The following FBXO10 variants were observed in gnomAD, a reference collection of about 807,000 sequenced individuals.
The protein encoded by FBXO10 is F-box protein 10.
Under a neutral mutation model 80.7 loss-of-function variants are expected in FBXO10, and 39 were observed. The ratio of observed to expected loss-of-function variants is 0.48; its 90% CI spans 0.37 to 0.63. The LOEUF is 0.63. Ranked by LOEUF, FBXO10 falls within the 30% of genes least tolerant of loss-of-function variation. FBXO10 has a pLI of 0.00. For missense variants in FBXO10, 1,025 were observed against 1,269.0 expected (o/e 0.81, Z 2.92); for synonymous variants, 449 against 489.6 (o/e 0.92, Z 1.09).
In FBXO10 at chr9:37,537,848, G is replaced by A; in HGVS notation, c.681C>T (p.Thr227=). Residue 227 remains threonine (T), a synonymous_variant, in exon 3 of 11, where the codon ACC becomes ACT. Transcript: ENST00000432825. The part of the protein sequence containing the change: ...GPGTCQVKFC[T]FKNTHIFLHN... ...GCAGGAAGATATGGGTGTTTTTGAA[G>A]GTACAGAACTTCACTTGGCAAGTAC... The A allele has an allele frequency of 6.2e-7, 1 of 1,613,940 alleles. No individual in the cohort carries two copies.
At position 37,537,216 on chromosome 9, in the gene FBXO10, C is replaced by T. The variant is rs745833580; in HGVS notation, c.1313G>A (p.Arg438Gln). The change falls in exon 3 of 11, where the codon CGG (arginine) becomes CAG (glutamine). Residue 438 changes from arginine (R) to glutamine (Q), a missense_variant. Arg to Gln is a conservative substitution (Grantham distance 43, BLOSUM62 1). Around this residue, in one of 3 missense-constraint regions of FBXO10, gnomAD observed 478 missense variants for 667.8 expected, o/e 0.72. Transcript: ENST00000432825. ...QGCLIRKCLFRDGKGGVFVCS... is the reference protein window; with the variant it reads ...QGCLIRKCLFQDGKGGVFVCS... ...GACGAAGACGCCTCCCTTCCCGTCCCGGAAGAGGCACTTGCGGATGAGGCA... is the reference window on the plus strand; with the variant it reads ...GACGAAGACGCCTCCCTTCCCGTCCTGGAAGAGGCACTTGCGGATGAGGCA... 1.4e-5 allele frequency: 23 copies of T among 1,613,834 alleles called. No homozygotes were observed. The highest frequency in any genetic ancestry group is 1.1e-4 in the East Asian group (5 of 44,896).
chr9:37,571,921 G>A (rs186450462), intron 1 of FBXO10, among the ~76,000 whole-genome samples: 2 of 151,528 alleles, frequency 1.3e-5, no homozygotes, highest in Admixed American at 6.6e-5. Flanking sequence ...AATAGTTTGA[G>A]TCCAGGAGTT....
chr9:37,548,905 C>T (rs539150211), intron 1 of FBXO10, among the ~76,000 whole-genome samples: 115 of 152,252 alleles, frequency 7.6e-4, no homozygotes, highest in African/African-American at 2.3e-3. Context: ...CCCGCCACCA[C>T]GCCCTGCTCA....
At chr9:37,562,597 A>G (rs1393662255) in intron 1 of FBXO10, among the ~76,000 whole-genome samples, 1 of 152,238 alleles carries the variant, frequency 6.6e-6, no homozygotes, top group African/African-American at 2.4e-5. Flanking sequence ...GCTTTGCACT[A>G]TGCCCAGAAC....
At chr9:37,516,125 C>G in intron 9 of FBXO10, 40 bp from the exon 10 acceptor site, 2 of 1,588,438 alleles carry the variant, frequency 1.3e-6, no homozygotes, top group Non-Finnish European at 1.7e-6. Flanking sequence ...CTCAGGGATT[C>G]ACAGACTGAG....
At chr9:37,517,067 G>A (rs1411952651) in intron 9 of FBXO10, among the ~76,000 whole-genome samples, 1 of 152,126 alleles carries the variant, frequency 6.6e-6, no homozygotes, top group Non-Finnish European at 1.5e-5. Context: ...GATGGACTTG[G>A]AGGCCATTAT....
intron 1 of FBXO10, among the ~76,000 whole-genome samples, chr9:37,569,991 T>C (rs1183336630): frequency 6.6e-6 from 1 of 152,080 alleles, no homozygotes; most frequent in South Asian, 2.1e-4. Context: ...AGAATTACAA[T>C]GGAAATTAGA....
In FBXO10 at chr9:37,555,909, T is replaced by C. The variant is rs181029697; in HGVS notation, c.-6-14135A>G. Among the ~76,000 whole-genome samples the C allele has an allele frequency of 3.9e-5, 6 of 152,350 alleles. No individual in the cohort carries two copies. In the East Asian group the frequency reaches 1.2e-3, roughly 29 times the overall value. On this transcript the variant is annotated intron_variant, in intron 1 of 10. Coordinates refer to ENST00000432825, the MANE Select transcript of FBXO10 (RefSeq NM_012166.3). Reference sequence around the variant, plus strand: ...CTTCTATCTGTCTGAGAAAGCTTTGTTAATTCCTAAGTCATGGATATAATC... The same window carrying C: ...CTTCTATCTGTCTGAGAAAGCTTTGCTAATTCCTAAGTCATGGATATAATC...
chr9:37,542,072 G>T (rs1383752212), intron 1 of FBXO10, among the ~76,000 whole-genome samples: 3 of 151,806 alleles, frequency 2.0e-5, no homozygotes, highest in Non-Finnish European at 2.9e-5. Flanking sequence ...CAGGTGATCT[G>T]CCCGGCTTGG....
intron 1 of FBXO10, among the ~76,000 whole-genome samples, chr9:37,549,838 T>C (rs1822146818): frequency 6.6e-6 from 1 of 152,214 alleles, no homozygotes; most frequent in African/African-American, 2.4e-5. Context: ...ACAAGTGGCA[T>C]TGTACCTTTT....
At position 37,518,284 on chromosome 9, in the gene FBXO10, C is replaced by T; in HGVS notation, c.2355G>A (p.Lys785=). The T allele has an allele frequency of 4.3e-6, 7 of 1,614,088 alleles. No individual in the cohort carries two copies. Among genetic ancestry groups the T allele is most frequent in the Non-Finnish European group, 5.9e-6 (7 of 1,179,904 alleles). The change falls in exon 9 of 11, where the codon AAG becomes AAA. Residue 785 remains lysine, a synonymous_variant. Transcript: ENST00000432825. ...GCTCCACTTTGCACTGGGCCTCAAC[C>T]TTGACCCCACTTTGCCGGTTGCAGG... The part of the protein sequence containing the change: ...SISCNRQSGV[K]VEAQCKVELR...
intron 3 of FBXO10, among the ~76,000 whole-genome samples, chr9:37,535,371 C>T (rs113821317): frequency 1.9e-3 from 279 of 150,774 alleles, no homozygotes; most frequent in Middle Eastern, 6.9e-3. Flanking sequence ...TTTTTGGAGA[C>T]GGAGTCTTGC....
At chr9:37,539,156 T>C (rs1466484324) in intron 2 of FBXO10, among the ~76,000 whole-genome samples, 1 of 152,246 alleles carries the variant, frequency 6.6e-6, no homozygotes, top group African/African-American at 2.4e-5. Context: ...GAATAAGTTT[T>C]AAAATTGACC....
intron 8 of FBXO10, 114 bp downstream of exon 8, chr9:37,521,455 C>T: frequency 7.8e-7 from 1 of 1,284,914 alleles, no homozygotes; most frequent in Non-Finnish European, 1.0e-6. Flanking sequence ...GCATCTTTGA[C>T]ATTAAAGTTT....
intron 1 of FBXO10, among the ~76,000 whole-genome samples, chr9:37,546,455 T>C (rs1488955240): frequency 2.6e-5 from 4 of 152,228 alleles, no homozygotes; most frequent in Non-Finnish European, 4.4e-5. Context: ...TCACCTGCTA[T>C]GAAAATTTAT....
At position 37,512,346 on chromosome 9, in the gene FBXO10, C is replaced by T. The variant is rs989327027; in HGVS notation, c.*201G>A. The stretch of plus-strand genomic sequence containing the variant: ...TGACTGGAAACCCACCAGCTTCTAT[C>T]CCTTCTCCCTGAAAAACATTGCCCA... On this transcript the variant is annotated 3_prime_UTR_variant, in exon 11 of 11. Coordinates refer to ENST00000432825, the MANE Select transcript of FBXO10 (RefSeq NM_012166.3). 1 of 499,984 alleles carries T rather than the reference C, an allele frequency of 2.0e-6. No individual in the cohort carries two copies. The highest frequency in any genetic ancestry group is 1.9e-5 in the African/African-American group (1 of 51,888). The allele number at this position is 499,984 out of a possible 1,614,324, so 31.0% of individuals were successfully genotyped here.
intron 3 of FBXO10, among the ~76,000 whole-genome samples, chr9:37,536,707 C>T (rs943863633): frequency 2.0e-5 from 3 of 152,190 alleles, no homozygotes; most frequent in Non-Finnish European, 4.4e-5. Flanking sequence ...GTACCCAGCA[C>T]AGACGTTTCC....
Position 37,518,049 on chromosome 9 carries a change from G to T in FBXO10, c.2514+76C>A. The T allele has an allele frequency of 2.8e-6, 4 of 1,434,330 alleles. No individual in the cohort carries two copies. In the African/African-American group the frequency reaches 4.2e-5, roughly 15 times the overall value. 88.9% of individuals were successfully genotyped at this position (1,434,330 alleles called of 1,614,324 possible). A position where few individuals can be genotyped will look rare whatever the true frequency, so the allele number is the denominator to read the frequency against. ...CTGAGTGATTACGGTTCTGTTCTCA[G>T]CAGAGGCCACGAGGACTATCCCAGG... On this transcript the variant is annotated intron_variant, in intron 9 of 10. Transcript: ENST00000432825.
In FBXO10 at chr9:37,537,895, G is replaced by T. The variant is rs7044561; in HGVS notation, c.634C>A (p.His212Asn). ...QFDNCNFENG[H>N]IQVHGPGTCQ... ...GTACCCGGGCCATGGACCTGGATGT[G>T]CCCGTTCTCAAAGTTGCAGTTGTCA... Residue 212 changes from histidine (H) to asparagine (N), a missense_variant, in exon 3 of 11, where the codon CAC becomes AAC. Around this residue, in one of 3 missense-constraint regions of FBXO10, gnomAD observed 450 missense variants for 499.4 expected, o/e 0.90. Coordinates refer to ENST00000432825, the MANE Select transcript of FBXO10 (RefSeq NM_012166.3). The T allele has an allele frequency of 2.7e-3, 4,289 of 1,613,960 alleles. 95 individuals are homozygous for T. The African/African-American group carries it at 0.047, about 18-fold the overall frequency.
Sources: allele counts gnomAD v4.1 joint callset (sites outside exome capture counted in the v4.1 genomes callset), GRCh38; gene constraint gnomAD v4.1.1; regional missense constraint gnomAD v4.1.1; transcripts MANE v1.5; gene names NCBI Gene and HGNC (gene_info 2026-07-23, HGNC 2026-07-21).